The following EPM2A variants were observed in gnomAD, a reference collection of about 807,000 sequenced individuals.
EPM2A encodes laforin.
A neutral mutation model predicts 26.5 loss-of-function variants in EPM2A; 21 were observed. The observed-to-expected ratio is 0.79, with a 90% confidence interval of 0.56 to 1.14. The LOEUF (loss-of-function observed/expected upper bound fraction) is 1.14. Among genes scored for constraint, EPM2A ranks in the 50% most tolerant of loss-of-function variants. EPM2A has a pLI of 0.00. For synonymous variants in EPM2A, 217 were observed against 177.6 expected (o/e 1.22, Z -1.76); for missense variants, 458 against 440.8 (o/e 1.04, Z -0.35).
intron 4 of EPM2A, among the ~76,000 whole-genome samples, chr6:145,479,813 G>A (rs2114732330): frequency 6.6e-6 from 1 of 151,984 alleles, no homozygotes; most frequent in East Asian, 1.9e-4. Context: ...CCCATGTTTA[G>A]CGTTTTGAAG....
intron 4 of EPM2A, among the ~76,000 whole-genome samples, chr6:145,495,139 A>G (rs1779800404): frequency 6.6e-6 from 1 of 152,168 alleles, no homozygotes; most frequent in African/African-American, 2.4e-5. Flanking sequence ...GGAGGCCTCT[A>G]AAAACTTGCT....
At chr6:145,384,630 G>C (rs1778234217) in intron 4 of EPM2A, among the ~76,000 whole-genome samples, 1 of 147,116 alleles carries the variant, frequency 6.8e-6, no homozygotes, top group African/African-American at 2.5e-5. Flanking sequence ...CTCTTTAGGG[G>C]AGAGTAGTTC....
chr6:145,490,384 G>A, intron 4 of EPM2A: 1 of 949,228 alleles, frequency 1.1e-6, no homozygotes, highest in African/African-American at 1.6e-5. Flanking sequence ...AGTTTGGCAT[G>A]CAGTGAGGTG....
intron 2 of EPM2A, among the ~76,000 whole-genome samples, chr6:145,560,050 C>A (rs2114813283): frequency 6.6e-6 from 1 of 152,182 alleles, no homozygotes; most frequent in African/African-American, 2.4e-5. Flanking sequence ...GTACATTCAG[C>A]CAGGTTCTTC....
At chr6:145,557,410 G>A (rs963634461) in intron 2 of EPM2A, among the ~76,000 whole-genome samples, 7 of 151,898 alleles carry the variant, frequency 4.6e-5, no homozygotes, top group Non-Finnish European at 7.4e-5. Flanking sequence ...AATAAAAATG[G>A]AGAAAAATAA....
intron 2 of EPM2A, among the ~76,000 whole-genome samples, chr6:145,508,446 G>T (rs1329233831): frequency 6.6e-6 from 1 of 152,206 alleles, no homozygotes; most frequent in Non-Finnish European, 1.5e-5. Context: ...ACTTGAGGAA[G>T]ACACTGCATA....
intron 1 of EPM2A, among the ~76,000 whole-genome samples, chr6:145,716,174 G>C (rs543721864): frequency 1.3e-5 from 2 of 152,080 alleles, no homozygotes; most frequent in Non-Finnish European, 2.9e-5. Context: ...AGAATTTTGC[G>C]GAATTTTTTT....
chr6:145,706,472 G>T (rs1192618361), intron 1 of EPM2A, among the ~76,000 whole-genome samples: 1 of 152,188 alleles, frequency 6.6e-6, no homozygotes, highest in African/African-American at 2.4e-5. Flanking sequence ...CCAGCTGGAA[G>T]GGTGCATGTT....
intron 2 of EPM2A, among the ~76,000 whole-genome samples, chr6:145,666,093 GA>G (rs1779163177): frequency 6.8e-6 from 1 of 146,658 alleles, no homozygotes; most frequent in Non-Finnish European, 1.5e-5. Context: ...CATTCCCTTT[GA>G]AAACTGGCAC....
chr6:145,679,476 G>A (rs1054641316), intron 2 of EPM2A, among the ~76,000 whole-genome samples: 1 of 151,452 alleles, frequency 6.6e-6, no homozygotes, highest in Non-Finnish European at 1.5e-5. Context: ...AAATATAAAA[G>A]ACAAGAAAAT....
chr6:145,666,128 C>T (rs935724171), intron 2 of EPM2A, among the ~76,000 whole-genome samples: 5 of 146,960 alleles, frequency 3.4e-5, no homozygotes, highest in South Asian at 2.2e-4. Context: ...CCTCTCTCAC[C>T]GCTCCTATTC....
chr6:145,395,829 G>C (rs945859381), intron 4 of EPM2A, among the ~76,000 whole-genome samples: 1 of 152,086 alleles, frequency 6.6e-6, no homozygotes. Flanking sequence ...TTTTATCAGA[G>C]ATTCTGCTGT....
chr6:145,577,581 C>CT (rs1294116784), intron 2 of EPM2A, among the ~76,000 whole-genome samples: 2 of 150,710 alleles, frequency 1.3e-5, no homozygotes, highest in African/African-American at 4.9e-5. Flanking sequence ...AATGTAGACC[C>CT]CCCCCCAATA....
chr6:145,589,041 C>T (rs1442673131), intron 2 of EPM2A, among the ~76,000 whole-genome samples: 1 of 152,198 alleles, frequency 6.6e-6, no homozygotes, highest in Non-Finnish European at 1.5e-5. Flanking sequence ...GGAAAAGGCC[C>T]TGCCCCAACC....
chr6:145,407,671 C>A (rs1362425084), intron 4 of EPM2A, among the ~76,000 whole-genome samples: 1 of 152,078 alleles, frequency 6.6e-6, no homozygotes, highest in Non-Finnish European at 1.5e-5. Context: ...CCCTTTATAG[C>A]TTTAAATAAA....
intron 2 of EPM2A, among the ~76,000 whole-genome samples, chr6:145,613,491 A>G (rs1026145499): frequency 6.6e-6 from 1 of 152,164 alleles, no homozygotes; most frequent in Admixed American, 6.6e-5. Context: ...GAAGATTTTC[A>G]ATTTTCTTTG....
At chr6:145,605,981 T>C (rs552198237) in intron 2 of EPM2A, among the ~76,000 whole-genome samples, 55 of 152,282 alleles carry the variant, frequency 3.6e-4, no homozygotes, top group African/African-American at 1.2e-3. Context: ...ATTAAACTCC[T>C]AGCCTTTAAT....
At chr6:145,440,018 C>A (rs553244384) in intron 4 of EPM2A, among the ~76,000 whole-genome samples, 2 of 152,330 alleles carry the variant, frequency 1.3e-5, no homozygotes, top group Non-Finnish European at 2.9e-5. Context: ...GGTCCAGTTT[C>A]AGTCTTCTGC....
intron 1 of EPM2A, among the ~76,000 whole-genome samples, chr6:145,720,728 C>T (rs1215760362): frequency 2.6e-5 from 4 of 152,178 alleles, no homozygotes; most frequent in African/African-American, 9.7e-5. Context: ...ATGCTAACTT[C>T]TTCCTAACAT....
Sources: allele counts gnomAD v4.1 joint callset (sites outside exome capture counted in the v4.1 genomes callset), GRCh38; gene constraint gnomAD v4.1.1; transcripts MANE v1.5; gene names NCBI Gene and HGNC (gene_info 2026-07-23, HGNC 2026-07-21).